Variants in AUTS2 observed in about 807,000 individuals in gnomAD.
AUTS2 encodes the protein autism susceptibility gene 2 protein.
Under a neutral mutation model 112.4 loss-of-function variants are expected in AUTS2, and 17 were observed. The ratio of observed to expected loss-of-function variants is 0.15; its 90% confidence interval spans 0.10 to 0.23. The LOEUF is 0.23. AUTS2 is among the 10% of genes least tolerant of loss of function. The probability of loss-of-function intolerance (pLI) is 1.00; values close to 1 mark genes in which losing one functional copy is unlikely to be tolerated. For synonymous variants in AUTS2, 751 were observed against 702.7 expected, an observed-to-expected ratio of 1.07 and a Z score of -1.09; for missense variants, 1,510 against 1,701.6, an observed-to-expected ratio of 0.89 and a Z score of 1.98.
intron 2 of AUTS2, among the ~76,000 whole-genome samples, chr7:69,967,777 C>T (rs1797690744): frequency 6.6e-6 from 1 of 152,042 alleles, no homozygotes; most frequent in Non-Finnish European, 1.5e-5. Context: ...CAAGCTGGTT[C>T]TATGTTAAGT....
At chr7:69,619,091 A>G (rs187349382) in intron 1 of AUTS2, among the ~76,000 whole-genome samples, 24 of 152,296 alleles carry the variant, frequency 1.6e-4, no homozygotes, top group Admixed American at 2.6e-4. Context: ...GTACCAAGCC[A>G]TGTGTGGTAC....
In AUTS2 at chr7:70,633,333, A is replaced by G. The variant is rs1375406002; in HGVS notation, c.691-65236A>G. 2.0e-5 allele frequency among the ~76,000 whole-genome samples: 3 copies of G among 152,176 alleles called. No individual in the cohort carries two copies. The East Asian group carries it at 5.8e-4, about 29-fold the overall frequency. On this transcript the variant is annotated intron_variant, in intron 5 of 18. Transcript: ENST00000342771. ...CTCCAGGTAGCTAAAGACACAGAAC[A>G]TGGGCCAGGTGCAGTGGCTCACGCC... is the stretch of plus-strand genomic sequence containing the variant.
intron 4 of AUTS2, among the ~76,000 whole-genome samples, chr7:70,158,896 A>G (rs143889943): frequency 2.0e-5 from 3 of 151,786 alleles, no homozygotes; most frequent in East Asian, 1.9e-4. Context: ...AAATATATAA[A>G]TAATCATCTA....
At chr7:70,242,965 C>T (rs543553074) in intron 4 of AUTS2, among the ~76,000 whole-genome samples, 7 of 152,192 alleles carry the variant, frequency 4.6e-5, no homozygotes, top group South Asian at 4.2e-4. Flanking sequence ...ACCCGTAGGC[C>T]GCCTACTGCC....
At position 70,620,489 on chromosome 7, in the gene AUTS2, A is replaced by C. The variant is rs906536330; in HGVS notation, c.691-78080A>C. ...ACCACGCTCATCACTGAGATGTGGAAGGAAAGGGGTTGGTCGGGCCCTTTG... is the reference window on the plus strand; with the variant it reads ...ACCACGCTCATCACTGAGATGTGGACGGAAAGGGGTTGGTCGGGCCCTTTG... On this transcript the variant is annotated intron_variant, in intron 5 of 18. Transcript: ENST00000342771. Among the ~76,000 whole-genome samples, 4 of 152,118 alleles carry C rather than the reference A, an allele frequency of 2.6e-5. No homozygotes were observed. In the East Asian group the frequency reaches 7.7e-4, roughly 29 times the overall value.
At chr7:70,655,171 C>G (rs1361938187) in intron 5 of AUTS2, among the ~76,000 whole-genome samples, 1 of 152,218 alleles carries the variant, frequency 6.6e-6, no homozygotes, top group East Asian at 1.9e-4. Context: ...CTGGAAGCAG[C>G]GGCCCCTGCC....
chr7:70,226,947 A>T (rs1286848773), intron 4 of AUTS2, among the ~76,000 whole-genome samples: 1 of 152,178 alleles, frequency 6.6e-6, no homozygotes, highest in Non-Finnish European at 1.5e-5. Context: ...AAATGAGTGG[A>T]TGCTCTAAGG....
At chr7:70,549,700 T>A (rs949989018) in intron 5 of AUTS2, among the ~76,000 whole-genome samples, 71 of 152,140 alleles carry the variant, frequency 4.7e-4, no homozygotes, top group Admixed American at 1.4e-3. Context: ...TCTTAAAAAA[T>A]TTTTTAAAAA....
In AUTS2 at chr7:70,467,949, G is replaced by A. The variant is rs774020157; in HGVS notation, c.690+32168G>A. Among the ~76,000 whole-genome samples, 7 of 152,194 alleles carry A rather than the reference G, an allele frequency of 4.6e-5. No homozygotes were observed. The East Asian group carries it at 5.8e-4, about 13-fold the overall frequency. ...CTTGGTGAAATGTCAGTGGGAGAAA[G>A]TAATCACCCCACCTTCAGATACAGA... is the stretch of plus-strand genomic sequence containing the variant. On this transcript the variant is annotated intron_variant, in intron 5 of 18. Coordinates refer to ENST00000342771, the MANE Select transcript of AUTS2 (RefSeq NM_015570.4).
chr7:69,987,296 A>C (rs1444185733), intron 2 of AUTS2, among the ~76,000 whole-genome samples: 1 of 152,198 alleles, frequency 6.6e-6, no homozygotes, highest in African/African-American at 2.4e-5. Flanking sequence ...TGAAATGCAG[A>C]ATTTGAGCTT....
At chr7:70,400,421 C>G (rs1488274168) in intron 4 of AUTS2, among the ~76,000 whole-genome samples, 1 of 152,142 alleles carries the variant, frequency 6.6e-6, no homozygotes, top group Non-Finnish European at 1.5e-5. Flanking sequence ...TTCCCTAGCT[C>G]TAGCCTGTCG....
chr7:70,729,906 G>A (rs929900241), intron 6 of AUTS2, among the ~76,000 whole-genome samples: 4 of 147,626 alleles, frequency 2.7e-5, no homozygotes, highest in African/African-American at 1.0e-4. Context: ...ATTTAGAGAC[G>A]GACTCTGGCC....
intron 1 of AUTS2, among the ~76,000 whole-genome samples, chr7:69,729,272 C>G (rs1786668258): frequency 6.6e-6 from 1 of 151,946 alleles, no homozygotes; most frequent in South Asian, 2.1e-4. Context: ...AGTTGCTTTT[C>G]TTTCTCAACT....
intron 1 of AUTS2, among the ~76,000 whole-genome samples, chr7:69,796,721 AT>A (rs956715641): frequency 6.6e-6 from 1 of 151,586 alleles, no homozygotes; most frequent in African/African-American, 2.4e-5. Context: ...CAGTTCTGTT[AT>A]TTTTTTGTTA....
At chr7:70,641,500 G>A (rs538189079) in intron 5 of AUTS2, among the ~76,000 whole-genome samples, 6 of 152,148 alleles carry the variant, frequency 3.9e-5, no homozygotes, top group African/African-American at 1.2e-4. Flanking sequence ...TGCAGTGAGC[G>A]GAGATCGCAC....
At chr7:69,622,679 T>C (rs960220591) in intron 1 of AUTS2, among the ~76,000 whole-genome samples, 1 of 152,228 alleles carries the variant, frequency 6.6e-6, no homozygotes, top group African/African-American at 2.4e-5. Flanking sequence ...TTTCTAGATA[T>C]ACAGGATGGG....
chr7:70,144,951 T>G (rs1040346739), intron 4 of AUTS2, among the ~76,000 whole-genome samples: 1 of 152,140 alleles, frequency 6.6e-6, no homozygotes, highest in African/African-American at 2.4e-5. Flanking sequence ...CATGGTATAC[T>G]TAGTATACTT....
chr7:69,828,107 C>T (rs770056589), intron 1 of AUTS2, among the ~76,000 whole-genome samples: 12 of 152,190 alleles, frequency 7.9e-5, no homozygotes, highest in Non-Finnish European at 1.6e-4. Flanking sequence ...CACATCCTTG[C>T]TTGCAGAACT....
chr7:70,439,650 A>T (rs1796045304), intron 5 of AUTS2, among the ~76,000 whole-genome samples: 1 of 152,162 alleles, frequency 6.6e-6, no homozygotes, highest in Admixed American at 6.5e-5. Context: ...AGCTAAGAAA[A>T]GAGGCAGCAC....
Sources: gnomAD v4.1 joint callset for allele counts (sites outside exome capture counted in the v4.1 genomes callset) on GRCh38, gnomAD v4.1.1 for gene constraint, MANE v1.5 for transcripts, NCBI Gene and HGNC (gene_info 2026-07-23, HGNC 2026-07-21) for gene names.